The following DPP6 variants were observed in gnomAD, a reference collection of about 807,000 sequenced individuals.
The protein encoded by DPP6 is dipeptidyl peptidase like 6.
Under a neutral mutation model 122.6 loss-of-function variants are expected in DPP6, and 69 were observed. The observed-to-expected ratio is 0.56, with a 90% confidence interval of 0.46 to 0.69. The LOEUF is 0.69. Ranked by LOEUF, DPP6 falls within the 30% of genes least tolerant of loss-of-function variation. The probability of loss-of-function intolerance (pLI) is 0.00; values close to 1 mark genes in which losing one functional copy is unlikely to be tolerated. For missense variants in DPP6, 928 were observed against 1,116.9 expected (o/e 0.83, Z 2.41); for synonymous variants, 418 against 433.1 (o/e 0.97, Z 0.43).
At chr7:153,916,601 G>C (rs1800338885) in intron 1 of DPP6, among the ~76,000 whole-genome samples, 1 of 151,324 alleles carries the variant, frequency 6.6e-6, no homozygotes. Flanking sequence ...TAGAAACGGG[G>C]TTTCACTGTG....
intron 1 of DPP6, among the ~76,000 whole-genome samples, chr7:153,926,213 TTCTA>T (rs1325329095): frequency 2.6e-5 from 4 of 152,346 alleles, no homozygotes; most frequent in East Asian, 1.9e-4. Flanking sequence ...ATGTACACCT[TTCTA>T]TCTTTGAGTC....
At chr7:154,470,802 C>A (rs1257386631) in intron 2 of DPP6, among the ~76,000 whole-genome samples, 2 of 152,166 alleles carry the variant, frequency 1.3e-5, no homozygotes, top group East Asian at 3.8e-4. Context: ...CCCTGAATTG[C>A]CTTTGGGATG....
At chr7:153,996,920 C>A (rs1303571468) in intron 1 of DPP6, among the ~76,000 whole-genome samples, 4 of 151,986 alleles carry the variant, frequency 2.6e-5, no homozygotes, top group East Asian at 1.9e-4. Context: ...TTGGAGTTAC[C>A]CCCATCATGA....
chr7:154,689,567 A>G (rs922386978), intron 7 of DPP6, among the ~76,000 whole-genome samples: 2 of 152,126 alleles, frequency 1.3e-5, no homozygotes, highest in Middle Eastern at 3.4e-3. Flanking sequence ...TTTTTTTAAC[A>G]TATTTTCTTT....
At chr7:154,233,504 A>G (rs890876196) in intron 1 of DPP6, among the ~76,000 whole-genome samples, 4 of 152,234 alleles carry the variant, frequency 2.6e-5, no homozygotes, top group Non-Finnish European at 5.9e-5. Context: ...AAATGAGGTC[A>G]TTAGGGTGGG....
intron 1 of DPP6, among the ~76,000 whole-genome samples, chr7:154,063,263 A>G (rs1172634162): frequency 1.5e-5 from 2 of 129,986 alleles, no homozygotes; most frequent in East Asian, 4.8e-4. Context: ...ACTGGCTCTT[A>G]GGACCCCCAT....
chr7:154,024,378 G>A lies in DPP6; in HGVS notation c.51+136644G>A, dbSNP rs149338968. Among the ~76,000 whole-genome samples, 411 of 152,112 alleles carry A rather than the reference G, an allele frequency of 2.7e-3. 1 individual carries two copies. The highest frequency in any genetic ancestry group is 9.4e-3 in the African/African-American group (390 of 41,518). On this transcript the variant is annotated intron_variant, in intron 1 of 25. Coordinates refer to the DPP6 transcript ENST00000404039. ...AAGATTGATAGTAATTGAATAAATT[G>A]CCATGTGTACTTAAAGACTGGGCTT... is the stretch of plus-strand genomic sequence containing the variant.
chr7:154,696,984 A>C (rs1840256980), intron 7 of DPP6, among the ~76,000 whole-genome samples: 1 of 151,986 alleles, frequency 6.6e-6, no homozygotes, highest in Non-Finnish European at 1.5e-5. Context: ...GATTCTACAA[A>C]GACCCTGACA....
chr7:154,673,496 C>A (rs529562746), intron 7 of DPP6, among the ~76,000 whole-genome samples: 1 of 152,262 alleles, frequency 6.6e-6, no homozygotes, highest in South Asian at 2.1e-4. Context: ...GTAATGACTG[C>A]AGGGGGAGTG....
intron 1 of DPP6, chr7:153,968,670 C>T (rs1434944906): frequency 6.6e-6 from 1 of 151,830 alleles, no homozygotes; most frequent in Non-Finnish European, 1.5e-5. Flanking sequence ...CCTACCACCA[C>T]TCCATCATAC....
At chr7:154,474,694 C>T (rs1822568540) in intron 2 of DPP6, among the ~76,000 whole-genome samples, 1 of 152,184 alleles carries the variant, frequency 6.6e-6, no homozygotes, top group South Asian at 2.1e-4. Flanking sequence ...AATATGATCA[C>T]TTACATGCTG....
At chr7:154,117,750 G>A (rs1317657989) in intron 1 of DPP6, among the ~76,000 whole-genome samples, 1 of 151,240 alleles carries the variant, frequency 6.6e-6, no homozygotes, top group Non-Finnish European at 1.5e-5. Flanking sequence ...GTGCCCAGTG[G>A]TGTGGGTGGG....
At chr7:154,114,437 T>C (rs1360075173) in intron 1 of DPP6, among the ~76,000 whole-genome samples, 1 of 152,078 alleles carries the variant, frequency 6.6e-6, no homozygotes, top group Non-Finnish European at 1.5e-5. Flanking sequence ...GTCCTGAGCT[T>C]GACACAATAA....
chr7:154,856,362 C>T (rs1326527543), intron 17 of DPP6, among the ~76,000 whole-genome samples: 2 of 152,310 alleles, frequency 1.3e-5, no homozygotes, highest in Non-Finnish European at 2.9e-5. Context: ...AAGCCTCCCA[C>T]GGTGCTGGAT....
At chr7:154,202,103 G>A (rs1163188626) in intron 1 of DPP6, among the ~76,000 whole-genome samples, 1 of 152,178 alleles carries the variant, frequency 6.6e-6, no homozygotes, top group Non-Finnish European at 1.5e-5. Flanking sequence ...TAAATCGTGT[G>A]ATGGAGTTTG....
intron 1 of DPP6, among the ~76,000 whole-genome samples, chr7:154,007,769 C>G (rs1217399713): frequency 6.6e-6 from 1 of 152,060 alleles, no homozygotes; most frequent in Admixed American, 6.6e-5. Flanking sequence ...AATTGGTGTC[C>G]ACAGGGGGTT....
At chr7:154,165,268 G>C (rs1585530742) in intron 1 of DPP6, among the ~76,000 whole-genome samples, 1 of 142,474 alleles carries the variant, frequency 7.0e-6, no homozygotes, top group South Asian at 2.2e-4. Flanking sequence ...TTGGTTTTTT[G>C]TTCTTGCGAT....
At chr7:154,817,950 T>C (rs1369422732) in intron 16 of DPP6, among the ~76,000 whole-genome samples, 1 of 152,156 alleles carries the variant, frequency 6.6e-6, no homozygotes, top group Non-Finnish European at 1.5e-5. Flanking sequence ...GCCATGCATC[T>C]ATGATGTTTG....
the DPP6 span, among the ~76,000 whole-genome samples, chr7:153,784,065 G>C: frequency 3.3e-5 from 5 of 152,182 alleles, no homozygotes; most frequent in Non-Finnish European, 7.3e-5. Flanking sequence ...TTGCCATTTA[G>C]CTTGGAATTT....
Sources: gnomAD v4.1 joint callset for allele counts (sites outside exome capture counted in the v4.1 genomes callset) on GRCh38, gnomAD v4.1.1 for gene constraint, MANE v1.5 for transcripts, NCBI Gene and HGNC (gene_info 2026-07-23, HGNC 2026-07-21) for gene names.